The following SRP54 variants were observed in gnomAD, a reference collection of about 807,000 sequenced individuals.
SRP54 encodes the protein signal recognition particle subunit SRP54.
A neutral mutation model predicts 64.8 loss-of-function variants in SRP54; 10 were observed. The ratio of observed to expected loss-of-function variants is 0.15; its 90% CI spans 0.10 to 0.26. The LOEUF (loss-of-function observed/expected upper bound fraction) is 0.26, where lower values mean the gene tolerates loss of function less well. Ranked by LOEUF, SRP54 falls within the 10% of genes least tolerant of loss-of-function variation. The pLI, the probability that SRP54 is intolerant of heterozygous loss-of-function variation, is 1.00. For missense variants in SRP54, 325 were observed against 613.7 expected (o/e 0.53, Z 4.97); for synonymous variants, 193 against 185.6 (o/e 1.04, Z -0.32).
chr14:35,001,107 A>T (rs1404775360), intron 4 of SRP54, 87 bp downstream of exon 4: 3 of 461,712 alleles, frequency 6.5e-6, no homozygotes, highest in African/African-American at 4.1e-5. Context: ...ATTTTTAAAT[A>T]TGTTTTTTAT....
chr14:35,028,326 T>G, intron 15 of SRP54, 143 bp downstream of exon 15: 1 of 532,606 alleles, frequency 1.9e-6, no homozygotes, highest in Non-Finnish European at 3.3e-6. Context: ...AATCCTAAGT[T>G]GAATTCAATT....
chr14:34,998,840 C>G (rs4982236), intron 2 of SRP54, among the ~76,000 whole-genome samples: 25,580 of 150,548 alleles, frequency 0.17, 2,347 homozygotes, highest in East Asian at 0.31. Flanking sequence ...AAAAGAAAAG[C>G]AAATATTGTA....
At chr14:35,011,009 G>A (rs536613340) in intron 7 of SRP54, among the ~76,000 whole-genome samples, 1 of 152,242 alleles carries the variant, frequency 6.6e-6, no homozygotes, top group Non-Finnish European at 1.5e-5. Context: ...TCACTGCAGT[G>A]TCGAACTCAT....
chr14:35,028,090 G>A lies in SRP54; in HGVS notation c.1330G>A (p.Gly444Ser). 1 of 1,603,024 alleles carries A rather than the reference G, an allele frequency of 6.2e-7. No homozygotes were observed. Among genetic ancestry groups the A allele is most frequent in the Non-Finnish European group, 8.5e-7 (1 of 1,174,824 alleles). ...MGGIKGLFKG[G>S]DMSKNVSQSQ... ...AATCTTTTTTTTTTTCCCCTCAGGT[G>A]GCGACATGTCTAAGAATGTGAGCCA... The change falls in exon 15 of 16, where the codon GGC becomes AGC. Residue 444 changes from glycine to serine, a missense_variant and splice_region_variant. Physicochemically the swap from Gly to Ser is moderately conservative, Grantham distance 56. Transcript: ENST00000216774.
chr14:35,019,230 G>T (rs1414313420), intron 13 of SRP54, 156 bp downstream of exon 13: 1 of 566,482 alleles, frequency 1.8e-6, no homozygotes, highest in East Asian at 3.0e-5. Flanking sequence ...TACTCAAAGG[G>T]TTATGATTAT....
chr14:35,022,915 G>A lies in SRP54; in HGVS notation c.1162G>A (p.Asp388Asn). ...GTAACTGACCTTGTCTACAGAACTA[G>A]ACAGTACGGATGGTGCCAAAGTTTT... ...IMDSMNDQELDSTDGAKVFSK... is the reference protein window; with the variant it reads ...IMDSMNDQELNSTDGAKVFSK... The change falls in exon 14 of 16, where the codon GAC becomes AAC. Residue 388 changes from aspartate (D) to asparagine (N), a missense_variant. By Grantham distance (23) the Asp-to-Asn change is conservative. This residue lies in a region of SRP54 where 146 missense variants were observed against 337.4 expected (regional missense o/e 0.43). Coordinates refer to ENST00000216774, the MANE Select transcript of SRP54 (RefSeq NM_003136.4). 6.2e-7 allele frequency: 1 copy of A among 1,612,496 alleles called. No homozygotes were observed. Among genetic ancestry groups the A allele is most frequent in the Non-Finnish European group, 8.5e-7 (1 of 1,179,282 alleles).
At chr14:34,983,862 A>G (rs2043850113) in intron 1 of SRP54, among the ~76,000 whole-genome samples, 1 of 152,228 alleles carries the variant, frequency 6.6e-6, no homozygotes. Flanking sequence ...TTATATCAAG[A>G]TGGGTAATGA....
At position 35,008,884 on chromosome 14, in the gene SRP54, C is replaced by CTTT. The variant is rs35812379; in HGVS notation, c.485+71_485+73dup. 7.1e-3 allele frequency: 4,779 copies of CTTT among 673,474 alleles called. 1 individual carries two copies. The highest frequency in any genetic ancestry group is 0.019 in the South Asian group (700 of 37,664). The allele number at this position is 673,474 out of a possible 1,614,324, so 41.7% of individuals were successfully genotyped here. The stretch of plus-strand genomic sequence containing the variant: ...TTATATCCCTCTTCTTGTCTGTCAG[C>CTTT]TTTTTTTTTTTTTTTTTTTTGAGAC... On this transcript the variant is annotated intron_variant, in intron 7 of 15. Coordinates refer to ENST00000216774, the MANE Select transcript of SRP54 (RefSeq NM_003136.4).
At chr14:35,016,422 T>C (rs1201802201) in intron 11 of SRP54, among the ~76,000 whole-genome samples, 1 of 152,224 alleles carries the variant, frequency 6.6e-6, no homozygotes, top group Non-Finnish European at 1.5e-5. Flanking sequence ...TGGACTTCTT[T>C]TAGTTTCTCA....
At chr14:35,003,899 A>T (rs1232233964) in intron 4 of SRP54, among the ~76,000 whole-genome samples, 1 of 150,656 alleles carries the variant, frequency 6.6e-6, no homozygotes, top group Non-Finnish European at 1.5e-5. Flanking sequence ...ACGCCACTGC[A>T]CTCCAGCCTG....
intron 15 of SRP54, 25 bp from the exon 16 acceptor site, chr14:35,029,036 C>G (rs770594170): frequency 1.3e-6 from 2 of 1,582,654 alleles, no homozygotes; most frequent in Non-Finnish European, 1.7e-6. Flanking sequence ...CTGTTTTTAA[C>G]TCTACTTCCC....
chr14:34,986,177 T>C (rs931714226), intron 1 of SRP54, among the ~76,000 whole-genome samples: 3 of 152,192 alleles, frequency 2.0e-5, no homozygotes, highest in African/African-American at 7.2e-5. Context: ...GAATTGGTGC[T>C]GTGATATTAT....
chr14:34,991,214 C>A (rs985313777), intron 1 of SRP54, among the ~76,000 whole-genome samples: 1 of 150,448 alleles, frequency 6.6e-6, no homozygotes, highest in African/African-American at 2.4e-5. Context: ...ACTGTAACCT[C>A]CACCTCCTGG....
intron 4 of SRP54, among the ~76,000 whole-genome samples, chr14:35,004,339 T>C (rs1220251598): frequency 6.6e-6 from 1 of 152,232 alleles, no homozygotes; most frequent in Non-Finnish European, 1.5e-5. Flanking sequence ...TGAGGGTCAG[T>C]ATTGATATTA....
intron 1 of SRP54, among the ~76,000 whole-genome samples, chr14:34,988,311 C>T (rs951834869): frequency 1.3e-5 from 2 of 151,446 alleles, no homozygotes; most frequent in Non-Finnish European, 2.9e-5. Flanking sequence ...CGCCTGTAAT[C>T]CTAGCACTTT....
At chr14:34,995,794 G>A (rs190680642) in intron 1 of SRP54, among the ~76,000 whole-genome samples, 1 of 152,198 alleles carries the variant, frequency 6.6e-6, no homozygotes, top group East Asian at 1.9e-4. Context: ...AATAATAAAT[G>A]ATAACTTAAA....
chr14:35,026,938 A>T (rs377251327), intron 14 of SRP54, among the ~76,000 whole-genome samples: 1 of 152,010 alleles, frequency 6.6e-6, no homozygotes, highest in African/African-American at 2.4e-5. Context: ...GCTAGACTCC[A>T]TCTCAAAAAC....
Position 35,028,201 on chromosome 14 carries a change from G to C in SRP54, c.1423+18G>C. 1 of 1,522,526 alleles carries C rather than the reference G, an allele frequency of 6.6e-7. No homozygotes were observed. Among genetic ancestry groups the C allele is most frequent in the Middle Eastern group, 1.7e-4 (1 of 5,808 alleles). 94.3% of individuals were successfully genotyped at this position (1,522,526 alleles called of 1,614,324 possible). A position where few individuals can be genotyped will look rare whatever the true frequency, so the allele number is the denominator to read the frequency against. ...TCACATGGGTAAATACCAAGTTGTTGGCAGTTGCTAATGCAGTTTAATTTA... is the reference window on the plus strand; with the variant it reads ...TCACATGGGTAAATACCAAGTTGTTCGCAGTTGCTAATGCAGTTTAATTTA... On this transcript the variant is annotated intron_variant, in intron 15 of 15. Coordinates refer to ENST00000216774, the MANE Select transcript of SRP54 (RefSeq NM_003136.4).
At chr14:35,018,526 G>C in intron 11 of SRP54, 166 bp from the exon 12 acceptor site, 1 of 601,682 alleles carries the variant, frequency 1.7e-6, no homozygotes, top group Non-Finnish European at 3.0e-6. Context: ...ATTCTCCCCA[G>C]CATTCATCCT....
Sources: allele counts gnomAD v4.1 joint callset (sites outside exome capture counted in the v4.1 genomes callset), GRCh38; gene constraint gnomAD v4.1.1; regional missense constraint gnomAD v4.1.1; transcripts MANE v1.5; gene names NCBI Gene and HGNC (gene_info 2026-07-23, HGNC 2026-07-21).